SLC2A9: variants seen among roughly 807,000 people sequenced by gnomAD.
SLC2A9 encodes the protein solute carrier family 2, facilitated glucose transporter member 9.
SLC2A9 carries 39 observed loss-of-function variants against 50.6 expected under a neutral mutation model. The observed-to-expected ratio is 0.77, with a 90% CI of 0.60 to 1.01. The LOEUF (loss-of-function observed/expected upper bound fraction) is 1.01. SLC2A9 is among the 50% of genes least tolerant of loss of function. The probability of loss-of-function intolerance (pLI) is 0.00; values close to 1 mark genes in which losing one functional copy is unlikely to be tolerated. For missense variants in SLC2A9, 686 were observed against 677.6 expected, an observed-to-expected ratio of 1.01 and a Z score of -0.14; for synonymous variants, 324 against 276.9, an observed-to-expected ratio of 1.17 and a Z score of -1.69.
rs1020934592 is a variant in SLC2A9, at chr4:10,021,128, A to C, written c.150+152T>G. 10 of 775,930 alleles carry C rather than the reference A, an allele frequency of 1.3e-5. No individual in the cohort carries two copies. In the African/African-American group the frequency reaches 1.7e-4, roughly 13 times the overall value. 48.1% of individuals were successfully genotyped at this position (775,930 alleles called of 1,614,324 possible). A position where few individuals can be genotyped will look rare whatever the true frequency, so the allele number is the denominator to read the frequency against. On this transcript the variant is annotated intron_variant, in intron 1 of 11. Transcript: ENST00000264784. ...CATGCCAAAGTCACACAGATGGAGA[A>C]GTGCAACTCAAACTGAGGCCTCCCT...
At position 9,834,791 on chromosome 4, in the gene SLC2A9, G is replaced by C. The variant is rs549375994; in HGVS notation, c.1419+90C>G. The C allele has an allele frequency of 1.8e-3, 2,792 of 1,578,682 alleles. 70 individuals carry two copies. The South Asian group carries it at 0.029, about 17-fold the overall frequency. ...TAGCATGAGTTTCCAGTTGAGAGGA[G>C]AGAGATCAACTTCTGCTCTATGAAT... is the stretch of plus-strand genomic sequence containing the variant. On this transcript the variant is annotated intron_variant, in intron 11 of 11. Coordinates refer to ENST00000264784, the MANE Select transcript of SLC2A9 (RefSeq NM_020041.3).
At chr4:10,008,253 C>A (rs1560479829) in intron 2 of SLC2A9, among the ~76,000 whole-genome samples, 1 of 152,350 alleles carries the variant, frequency 6.6e-6, no homozygotes, top group East Asian at 1.9e-4. Context: ...AAGAGGCAGG[C>A]TGTCCAGCTC....
At chr4:9,948,873 C>A (rs966656533) in intron 5 of SLC2A9, among the ~76,000 whole-genome samples, 1 of 152,230 alleles carries the variant, frequency 6.6e-6, no homozygotes, top group Non-Finnish European at 1.5e-5. Flanking sequence ...ACCTAAGACA[C>A]ATCTATGGGC....
chr4:10,019,797 G>T (rs546512912), intron 1 of SLC2A9, among the ~76,000 whole-genome samples: 13 of 152,382 alleles, frequency 8.5e-5, no homozygotes, highest in South Asian at 2.1e-4. Context: ...TGCAAGGTTT[G>T]GCACAGAGAA....
At chr4:9,905,518 T>C (rs180721839) in intron 8 of SLC2A9, among the ~76,000 whole-genome samples, 2 of 152,304 alleles carry the variant, frequency 1.3e-5, no homozygotes, top group East Asian at 3.9e-4. Flanking sequence ...TGAGTTCTGA[T>C]TTTAGAAAGG....
intron 10 of SLC2A9, among the ~76,000 whole-genome samples, chr4:9,884,935 C>T (rs1266088280): frequency 6.6e-6 from 1 of 152,108 alleles, no homozygotes; most frequent in Non-Finnish European, 1.5e-5. Context: ...AACCAAACAC[C>T]ACATGTTCTC....
chr4:9,977,417 T>C (rs925597951), intron 5 of SLC2A9, among the ~76,000 whole-genome samples: 1 of 152,096 alleles, frequency 6.6e-6, no homozygotes, highest in Admixed American at 6.5e-5. Flanking sequence ...GGAGATGCCC[T>C]TGTCCCTCAA....
chr4:9,913,345 G>GAGAC (rs1304687495), intron 7 of SLC2A9, among the ~76,000 whole-genome samples: 2 of 150,298 alleles, frequency 1.3e-5, no homozygotes, highest in East Asian at 3.9e-4. Context: ...GAGAGAGAGA[G>GAGAC]AGAGAGAGAG....
chr4:9,771,291 A>G (rs1475169539), exon 2 of SLC2A9: 22 of 388,426 alleles, frequency 5.7e-5, no homozygotes, highest in South Asian at 1.4e-4. Flanking sequence ...ATGCAGGTCA[A>G]TGGGAGTTTC....
At chr4:9,862,842 T>C (rs1382447993) in intron 10 of SLC2A9, among the ~76,000 whole-genome samples, 1 of 152,094 alleles carries the variant, frequency 6.6e-6, no homozygotes, top group Non-Finnish European at 1.5e-5. Context: ...GCTCTATAAA[T>C]ATACATTTGT....
intron 10 of SLC2A9, among the ~76,000 whole-genome samples, chr4:9,839,414 A>G (rs1727648404): frequency 6.6e-6 from 1 of 152,166 alleles, no homozygotes; most frequent in African/African-American, 2.4e-5. Context: ...ACCATTATGG[A>G]AGACAGTGTG....
intron 7 of SLC2A9, among the ~76,000 whole-genome samples, chr4:9,911,337 C>G (rs768400775): frequency 6.6e-6 from 1 of 152,036 alleles, no homozygotes; most frequent in African/African-American, 2.4e-5. Context: ...GTTTGTGACA[C>G]GAAGCCACTG....
chr4:10,023,018 G>A (rs1324505432), upstream of SLC2A9, among the ~76,000 whole-genome samples: 4 of 152,208 alleles, frequency 2.6e-5, no homozygotes, highest in Non-Finnish European at 4.4e-5. Flanking sequence ...ATTGAGTGGT[G>A]GGCCTAGAGC....
intron 10 of SLC2A9, among the ~76,000 whole-genome samples, chr4:9,882,157 A>C (rs1735320334): frequency 6.6e-6 from 1 of 152,248 alleles, no homozygotes; most frequent in African/African-American, 2.4e-5. Flanking sequence ...GAAACAAAAG[A>C]CAAAAGTATT....
At chr4:9,904,542 C>G (rs1740276984) in intron 8 of SLC2A9, among the ~76,000 whole-genome samples, 1 of 152,166 alleles carries the variant, frequency 6.6e-6, no homozygotes, top group African/African-American at 2.4e-5. Context: ...CTGCAACATT[C>G]CTTTGTGCCA....
At chr4:9,893,145 C>T (rs896913793) in intron 8 of SLC2A9, among the ~76,000 whole-genome samples, 1 of 152,144 alleles carries the variant, frequency 6.6e-6, no homozygotes, top group African/African-American at 2.4e-5. Flanking sequence ...AATGCCACCA[C>T]TTGGTAACAG....
intron 3 of SLC2A9, among the ~76,000 whole-genome samples, chr4:9,799,717 C>T (rs929215432): frequency 7.5e-6 from 1 of 132,582 alleles, no homozygotes; most frequent in African/African-American, 2.8e-5. Flanking sequence ...AACTTCTACA[C>T]CAGTTTTGGT....
At chr4:9,960,179 T>C (rs966875407) in intron 5 of SLC2A9, among the ~76,000 whole-genome samples, 5 of 152,218 alleles carry the variant, frequency 3.3e-5, no homozygotes, top group African/African-American at 4.8e-5. Context: ...CATCCAGTTA[T>C]TGAAGTGCAG....
intron 10 of SLC2A9, among the ~76,000 whole-genome samples, chr4:9,877,753 T>C (rs1285877297): frequency 2.6e-5 from 4 of 152,208 alleles, no homozygotes. Flanking sequence ...GATAATGTCA[T>C]ACAAGTGGGT....
Sources: gnomAD v4.1 joint callset for allele counts (sites outside exome capture counted in the v4.1 genomes callset) on GRCh38, gnomAD v4.1.1 for gene constraint, MANE v1.5 for transcripts, NCBI Gene and HGNC (gene_info 2026-07-23, HGNC 2026-07-21) for gene names.